The following TMBIM1 variants were observed in gnomAD, a reference collection of about 807,000 sequenced individuals.
TMBIM1 encodes transmembrane BAX inhibitor motif containing 1, also known as protein lifeguard 3.
In TMBIM1, 34 loss-of-function variants were observed where a neutral mutation model predicts 45.1. The observed-to-expected ratio is 0.75, with a 90% CI of 0.57 to 1.00. The LOEUF (loss-of-function observed/expected upper bound fraction) is 1.00, where lower values mean the gene tolerates loss of function less well. Ranked by LOEUF, TMBIM1 falls within the 50% of genes least tolerant of loss-of-function variation. The pLI, the probability that TMBIM1 is intolerant of heterozygous loss-of-function variation, is 0.00. For missense variants in TMBIM1, 374 were observed against 402.4 expected (o/e 0.93, Z 0.60); for synonymous variants, 157 against 153.5 (o/e 1.02, Z -0.17).
At chr2:218,279,531 G>C (rs4674283) in intron 3 of TMBIM1, 178 bp from the exon 4 acceptor site, 1 of 549,956 alleles carries the variant, frequency 1.8e-6, no homozygotes, top group South Asian at 2.5e-5. Flanking sequence ...CCTCAGCCCC[G>C]CTCCCATGCT....
chr2:218,276,833 A>G (rs1691264242), intron 10 of TMBIM1, among the ~76,000 whole-genome samples, 171 bp downstream of exon 10: 1 of 152,056 alleles, frequency 6.6e-6, no homozygotes, highest in African/African-American at 2.4e-5. Context: ...CAGAGAGTCT[A>G]CCCTCACCCA....
Position 218,274,358 on chromosome 2 carries a change from C to T in TMBIM1, c.*1117G>A, listed in dbSNP as rs1691004632. 3 of 155,066 alleles carry T rather than the reference C, an allele frequency of 1.9e-5. No individual in the cohort carries two copies. The Middle Eastern group carries it at 1.6e-3, about 81-fold the overall frequency. 9.6% of individuals were successfully genotyped at this position (155,066 alleles called of 1,614,324 possible). ...TGACCCTTGTCCCCCTTCCCCATTC[C>T]AGCTCAAGGCACTTAATATTACAAA... On this transcript the variant is annotated 3_prime_UTR_variant, in exon 12 of 12. Coordinates refer to ENST00000258412, the MANE Select transcript of TMBIM1 (RefSeq NM_022152.6).
chr2:218,285,045 G>A (rs1194706242), intron 1 of TMBIM1, among the ~76,000 whole-genome samples: 3 of 152,310 alleles, frequency 2.0e-5, no homozygotes, highest in South Asian at 2.1e-4. Context: ...AGCCACAATC[G>A]TGCCACTGCA....
At position 218,275,354 on chromosome 2, in the gene TMBIM1, A is replaced by G; in HGVS notation, c.*121T>C. ...GCCACCTGTCTCCAGGACAGAAAGG[A>G]AACTGGGCATGTTACTCAAGGGGAA... On this transcript the variant is annotated 3_prime_UTR_variant, in exon 12 of 12. Coordinates refer to ENST00000258412, the MANE Select transcript of TMBIM1 (RefSeq NM_022152.6). 7.3e-7 allele frequency: 1 copy of G among 1,367,640 alleles called. No individual in the cohort carries two copies. The highest frequency in any genetic ancestry group is 2.4e-5 in the East Asian group (1 of 41,208). The allele number at this position is 1,367,640 out of a possible 1,614,324, so 84.7% of individuals were successfully genotyped here. A position where few individuals can be genotyped will look rare whatever the true frequency, so the allele number is the denominator to read the frequency against.
At chr2:218,290,164 G>A (rs868861111) in intron 1 of TMBIM1, 1 of 152,168 alleles carries the variant, frequency 6.6e-6, no homozygotes. Flanking sequence ...AATGAGTGCT[G>A]GAAACAGATG....
In TMBIM1 at chr2:218,277,982, G is replaced by A. The variant is rs758141955; in HGVS notation, c.474-8C>T. The A allele has an allele frequency of 1.9e-6, 3 of 1,614,142 alleles. No homozygotes were observed. Among genetic ancestry groups the A allele is most frequent in the Middle Eastern group, 1.6e-4 (1 of 6,062 alleles). ...TTCCATGGGAAACGGCGTCTGAAGG[G>A]AAAGAGAAGCCTTGATTAAATGACT... On this transcript the variant is annotated splice_region_variant and splice_polypyrimidine_tract_variant and intron_variant, in intron 6 of 11. Coordinates refer to ENST00000258412, the MANE Select transcript of TMBIM1 (RefSeq NM_022152.6).
intron 1 of TMBIM1, among the ~76,000 whole-genome samples, chr2:218,289,625 GA>G (rs10675061): frequency 2.2e-4 from 19 of 87,788 alleles, no homozygotes; most frequent in African/African-American, 5.9e-4. Context: ...CTGGGCGACA[GA>G]AAAAAAAAAA....
At chr2:218,288,162 C>T (rs1316827429) in intron 1 of TMBIM1, among the ~76,000 whole-genome samples, 1 of 152,248 alleles carries the variant, frequency 6.6e-6, no homozygotes, top group East Asian at 1.9e-4. Context: ...GGCATGGCGG[C>T]TCACGCCTGT....
intron 11 of TMBIM1, 131 bp from the exon 12 acceptor site, chr2:218,275,752 A>T: frequency 8.7e-7 from 1 of 1,148,198 alleles, no homozygotes; most frequent in Non-Finnish European, 1.2e-6. Flanking sequence ...ACAGCATAAC[A>T]TATGGGCTCT....
At chr2:218,280,519 T>G (rs1691798828) in intron 2 of TMBIM1, 1 of 265,476 alleles carries the variant, frequency 3.8e-6, no homozygotes, top group Non-Finnish European at 7.4e-6. Flanking sequence ...CAGAGCGCAG[T>G]TTGTGCAGCA....
At chr2:218,279,219 C>A (rs372402169) in intron 4 of TMBIM1, 70 bp downstream of exon 4, 2 of 1,554,348 alleles carry the variant, frequency 1.3e-6, no homozygotes, top group African/African-American at 1.4e-5. Context: ...CCCACCGCCA[C>A]CCACACCCCC....
rs1448532487 is a variant in TMBIM1, at chr2:218,276,088, G to T, written c.736-9C>A. ...ATGTGGAGCCAGTAAACCTGGAGAA[G>T]AAGGGGACAGAGAATGGCATTAGAA... On this transcript the variant is annotated splice_polypyrimidine_tract_variant and intron_variant, in intron 10 of 11. Coordinates refer to ENST00000258412, the MANE Select transcript of TMBIM1 (RefSeq NM_022152.6). 11 of 1,612,254 alleles carry T rather than the reference G, an allele frequency of 6.8e-6. No individual in the cohort carries two copies. Among genetic ancestry groups the T allele is most frequent in the African/African-American group, 1.3e-5 (1 of 74,924 alleles).
At chr2:218,290,192 C>T (rs1430744832) in intron 1 of TMBIM1, 1 of 152,174 alleles carries the variant, frequency 6.6e-6, no homozygotes, top group Non-Finnish European at 1.5e-5. Flanking sequence ...AGAAACAATC[C>T]ACACCCCCTT....
chr2:218,279,952 C>T (rs1691698203), intron 3 of TMBIM1, 74 bp downstream of exon 3: 1 of 1,093,898 alleles, frequency 9.1e-7, no homozygotes, highest in Non-Finnish European at 1.4e-6. Flanking sequence ...CCTGGGGCTA[C>T]TGTGGCCTAC....
intron 1 of TMBIM1, among the ~76,000 whole-genome samples, chr2:218,291,974 C>G (rs2106243736): frequency 6.6e-6 from 1 of 151,456 alleles, no homozygotes; most frequent in East Asian, 2.0e-4. Context: ...ATTCACCTGT[C>G]TACACCGAGA....
intron 2 of TMBIM1, 128 bp downstream of exon 2, chr2:218,281,812 T>A (rs1158173026): frequency 7.2e-6 from 6 of 830,334 alleles, no homozygotes; most frequent in East Asian, 2.8e-5. Flanking sequence ...GAGGGAGAGA[T>A]CTCAACAGAG....
chr2:218,276,108 T>C (rs371215328), intron 10 of TMBIM1, 29 bp from the exon 11 acceptor site: 2 of 1,609,238 alleles, frequency 1.2e-6, no homozygotes, highest in African/African-American at 1.3e-5. Flanking sequence ...GAGAATGGCA[T>C]TAGAAACCTC....
intron 5 of TMBIM1, 141 bp from the exon 6 acceptor site, chr2:218,278,706 AC>A: frequency 1.1e-6 from 1 of 916,680 alleles, no homozygotes; most frequent in Non-Finnish European, 1.7e-6. Context: ...GAACGAGATT[AC>A]CCCCAGCCAG....
chr2:218,291,317 G>A (rs1692911646), intron 1 of TMBIM1, among the ~76,000 whole-genome samples: 1 of 152,192 alleles, frequency 6.6e-6, no homozygotes, highest in African/African-American at 2.4e-5. Context: ...GACAGAGAGA[G>A]GAGGCAGGTG....
Sources: gnomAD v4.1 joint callset for allele counts (sites outside exome capture counted in the v4.1 genomes callset) on GRCh38, gnomAD v4.1.1 for gene constraint, MANE v1.5 for transcripts, NCBI Gene and HGNC (gene_info 2026-07-23, HGNC 2026-07-21) for gene names.